Variants in CCSER1 observed in about 807,000 individuals in gnomAD.
The protein encoded by CCSER1 is serine-rich coiled-coil domain-containing protein 1.
CCSER1 carries 41 observed loss-of-function variants against 82.0 expected under a neutral mutation model. The observed-to-expected ratio is 0.50, with a 90% CI of 0.39 to 0.65. The LOEUF is 0.65. Ranked by LOEUF, CCSER1 falls within the 30% of genes least tolerant of loss-of-function variation. The pLI, the probability that CCSER1 is intolerant of heterozygous loss-of-function variation, is 0.00. For missense variants in CCSER1, 1,119 were observed against 1,064.2 expected, an observed-to-expected ratio of 1.05 and a Z score of -0.72; for synonymous variants, 414 against 383.9, an observed-to-expected ratio of 1.08 and a Z score of -0.92.
chr4:91,243,829 G>A lies in CCSER1; in HGVS notation c.2217+157835G>A, dbSNP rs115907515. 5.9e-3 allele frequency among the ~76,000 whole-genome samples: 895 copies of A among 152,222 alleles called. 10 individuals carry two copies. The highest frequency in any genetic ancestry group is 0.021 in the African/African-American group (860 of 41,528). On this transcript the variant is annotated intron_variant, in intron 10 of 10. Transcript: ENST00000509176. ...GCTGGCTTCAAGGGTGACCTAGCAC[G>A]TTCCCACCTGTGGGCACTATGGTGA...
At chr4:90,551,702 C>CTCTCTCTT (rs1777514866) in intron 5 of CCSER1, among the ~76,000 whole-genome samples, 1 of 114,006 alleles carries the variant, frequency 8.8e-6, no homozygotes, top group Middle Eastern at 4.8e-3. Context: ...CTCTCTCTCT[C>CTCTCTCTT]TCTCTATATA....
intron 9 of CCSER1, among the ~76,000 whole-genome samples, chr4:90,933,338 C>A (rs1405788232): frequency 1.3e-5 from 2 of 151,676 alleles, no homozygotes; most frequent in African/African-American, 4.8e-5. Flanking sequence ...CAGGCGCCCG[C>A]CACCACGCCC....
intron 1 of CCSER1, among the ~76,000 whole-genome samples, chr4:90,249,066 A>G (rs1210907950): frequency 9.8e-6 from 1 of 101,836 alleles, no homozygotes; most frequent in Non-Finnish European, 1.8e-5. Flanking sequence ...GATTATAATT[A>G]CAGGAAAATA....
intron 4 of CCSER1, among the ~76,000 whole-genome samples, chr4:90,419,342 T>G (rs2153559941): frequency 6.6e-6 from 1 of 152,086 alleles, no homozygotes; most frequent in East Asian, 1.9e-4. Context: ...CTGTCATACA[T>G]TTGTATTCAG....
chr4:91,106,423 C>G (rs1283810920), intron 10 of CCSER1, among the ~76,000 whole-genome samples: 1 of 152,094 alleles, frequency 6.6e-6, no homozygotes, highest in Non-Finnish European at 1.5e-5. Flanking sequence ...AATAGACATA[C>G]CACAACTGAA....
intron 8 of CCSER1, among the ~76,000 whole-genome samples, chr4:90,884,712 G>A (rs902498795): frequency 5.9e-5 from 9 of 152,014 alleles, no homozygotes; most frequent in East Asian, 3.9e-4. Flanking sequence ...TTATTAAAGA[G>A]TACCTACCAA....
intron 5 of CCSER1, among the ~76,000 whole-genome samples, chr4:90,472,665 A>G (rs1764551872): frequency 6.6e-6 from 1 of 152,238 alleles, no homozygotes; most frequent in South Asian, 2.1e-4. Flanking sequence ...GTAACTCAGA[A>G]TACCATAGAA....
At chr4:91,355,826 G>T (rs1748790116) in intron 10 of CCSER1, among the ~76,000 whole-genome samples, 1 of 152,148 alleles carries the variant, frequency 6.6e-6, no homozygotes, top group South Asian at 2.1e-4. Context: ...GGTCTCAGAG[G>T]TTGGGCCTAC....
At chr4:91,361,105 T>A (rs1560611872) in intron 10 of CCSER1, among the ~76,000 whole-genome samples, 1 of 151,774 alleles carries the variant, frequency 6.6e-6, no homozygotes, top group Admixed American at 6.6e-5. Flanking sequence ...GCCTTTTTTT[T>A]AGTCTAGCAG....
In CCSER1 at chr4:91,111,114, AATTT is replaced by A. The variant is rs764517600; in HGVS notation, c.2217+25121_2217+25124del. 4.6e-5 allele frequency among the ~76,000 whole-genome samples: 7 copies of A among 152,082 alleles called. No homozygotes were observed. The South Asian group carries it at 1.5e-3, about 32-fold the overall frequency. On this transcript the variant is annotated intron_variant, in intron 10 of 10. Coordinates refer to ENST00000509176, the MANE Select transcript of CCSER1 (RefSeq NM_001145065.2). ...TTTTTTTTAATTTGACAAGTTTCAT[AATTT>A]TAAAGCTGGTGATTCAAGTGAATTT... is the stretch of plus-strand genomic sequence containing the variant.
intron 4 of CCSER1, 21 bp downstream of exon 4, chr4:90,400,150 T>A: frequency 7.4e-7 from 1 of 1,351,328 alleles, no homozygotes. Context: ...AAGAGATGAA[T>A]AATATCATAC....
At chr4:91,118,437 G>T (rs571062431) in intron 10 of CCSER1, among the ~76,000 whole-genome samples, 1 of 151,970 alleles carries the variant, frequency 6.6e-6, no homozygotes, top group Non-Finnish European at 1.5e-5. Context: ...ACTGCACTTG[G>T]CTAATTTTTA....
intron 7 of CCSER1, among the ~76,000 whole-genome samples, chr4:90,799,032 C>T (rs1756424486): frequency 6.6e-6 from 1 of 152,184 alleles, no homozygotes; most frequent in Admixed American, 6.5e-5. Context: ...CCAGCAGGTG[C>T]CATGGTTCCT....
intron 8 of CCSER1, among the ~76,000 whole-genome samples, chr4:90,882,553 A>T (rs2150078372): frequency 6.6e-6 from 1 of 152,230 alleles, no homozygotes; most frequent in African/African-American, 2.4e-5. Context: ...ATACGTGTGA[A>T]AATGCTTTTA....
intron 10 of CCSER1, among the ~76,000 whole-genome samples, chr4:91,446,275 C>T (rs2149413344): frequency 6.6e-6 from 1 of 152,044 alleles, no homozygotes; most frequent in Admixed American, 6.6e-5. Context: ...TGGCCAAAAG[C>T]AAGAATACAT....
chr4:91,180,778 C>T (rs1341838686), intron 10 of CCSER1, among the ~76,000 whole-genome samples: 5 of 152,196 alleles, frequency 3.3e-5, no homozygotes, highest in African/African-American at 4.8e-5. Flanking sequence ...AATGGGAAAT[C>T]AGGGGTCTCA....
intron 6 of CCSER1, among the ~76,000 whole-genome samples, chr4:90,705,303 C>A (rs1292298082): frequency 6.6e-6 from 1 of 152,198 alleles, no homozygotes; most frequent in Non-Finnish European, 1.5e-5. Context: ...TGCTGAACAG[C>A]AAATGTTGCT....
chr4:90,497,889 G>T (rs17017061), intron 5 of CCSER1, among the ~76,000 whole-genome samples: 4,025 of 151,960 alleles, frequency 0.026, 187 homozygotes, highest in African/African-American at 0.092. Flanking sequence ...ATTCAGGGAA[G>T]GTTCTTCTCA....
At chr4:91,059,257 T>TAAAG (rs1491380430) in intron 9 of CCSER1, among the ~76,000 whole-genome samples, 1 of 94,446 alleles carries the variant, frequency 1.1e-5, no homozygotes, top group Non-Finnish European at 2.2e-5. Flanking sequence ...TATAATAAAG[T>TAAAG]TTTTTTTTTC....
Sources: gnomAD v4.1 joint callset for allele counts (sites outside exome capture counted in the v4.1 genomes callset) on GRCh38, gnomAD v4.1.1 for gene constraint, MANE v1.5 for transcripts, NCBI Gene and HGNC (gene_info 2026-07-23, HGNC 2026-07-21) for gene names.